CFAP299: variants seen among roughly 807,000 people sequenced by gnomAD.
CFAP299 encodes the protein cilia and flagella associated protein 299, also known as cilia- and flagella-associated protein 299.
In CFAP299, 21 loss-of-function variants were observed where a neutral mutation model predicts 27.0. That is an observed-to-expected ratio of 0.78 (90% CI 0.55 to 1.12). CFAP299 has a LOEUF of 1.12. Among genes scored for constraint, CFAP299 ranks in the 50% most tolerant of loss-of-function variants. The probability of loss-of-function intolerance (pLI) is 0.00; values close to 1 mark genes in which losing one functional copy is unlikely to be tolerated. For missense variants in CFAP299, 310 were observed against 276.6 expected (o/e 1.12, Z -0.86); for synonymous variants, 104 against 98.1 (o/e 1.06, Z -0.36).
intron 2 of CFAP299, among the ~76,000 whole-genome samples, chr4:80,496,669 C>T (rs1274620972): frequency 6.6e-6 from 1 of 152,120 alleles, no homozygotes; most frequent in African/African-American, 2.4e-5. Flanking sequence ...TGGTAATGCC[C>T]CATTTCTTGG....
intron 4 of CFAP299, among the ~76,000 whole-genome samples, chr4:80,917,896 T>C (rs1735841898): frequency 6.6e-6 from 1 of 152,196 alleles, no homozygotes; most frequent in African/African-American, 2.4e-5. Context: ...AATTATTGTA[T>C]TCTAGGGGAT....
At chr4:80,626,551 A>G (rs1480880779) in intron 3 of CFAP299, among the ~76,000 whole-genome samples, 1 of 151,846 alleles carries the variant, frequency 6.6e-6, no homozygotes, top group Non-Finnish European at 1.5e-5. Flanking sequence ...GAAATAAAAT[A>G]ATAGAGCCTG....
intron 3 of CFAP299, among the ~76,000 whole-genome samples, chr4:80,788,342 C>T (rs576172973): frequency 1.3e-5 from 2 of 151,988 alleles, no homozygotes; most frequent in South Asian, 2.1e-4. Flanking sequence ...CAGAAGTAGA[C>T]CTATAGCCTC....
At chr4:80,566,316 T>C (rs181201541) in intron 2 of CFAP299, among the ~76,000 whole-genome samples, 1 of 152,044 alleles carries the variant, frequency 6.6e-6, no homozygotes, top group Non-Finnish European at 1.5e-5. Context: ...AACTCCCCTA[T>C]CTAAACCCCT....
chr4:80,800,770 T>TAC (rs1268213075), intron 3 of CFAP299, among the ~76,000 whole-genome samples: 10 of 128,692 alleles, frequency 7.8e-5, no homozygotes, highest in South Asian at 2.2e-4. Context: ...TGTGTGTGTA[T>TAC]ATATATATAT....
chr4:80,856,888 C>G, intron 3 of CFAP299, among the ~76,000 whole-genome samples: 1 of 151,868 alleles, frequency 6.6e-6, no homozygotes, highest in Non-Finnish European at 1.5e-5. Flanking sequence ...GTGATGAGGG[C>G]TCTTTTTTGG....
chr4:80,631,818 A>T (rs1739218082), intron 3 of CFAP299, among the ~76,000 whole-genome samples: 1 of 133,926 alleles, frequency 7.5e-6, no homozygotes, highest in African/African-American at 2.5e-5. Flanking sequence ...TTCATGTTGT[A>T]GTTCATTTTA....
At chr4:80,861,114 G>A (rs983554824) in intron 3 of CFAP299, among the ~76,000 whole-genome samples, 1 of 152,208 alleles carries the variant, frequency 6.6e-6, no homozygotes, top group African/African-American at 2.4e-5. Context: ...CTGGACAATG[G>A]CGGGCGCCCC....
chr4:80,960,370 C>T (rs1360486084), intron 5 of CFAP299, among the ~76,000 whole-genome samples: 1 of 151,724 alleles, frequency 6.6e-6, no homozygotes, highest in African/African-American at 2.4e-5. Flanking sequence ...TCTGTTAAAA[C>T]GTCAATATGT....
At chr4:80,386,556 G>C in intron 2 of CFAP299, 6 of 1,595,338 alleles carry the variant, frequency 3.8e-6, no homozygotes, top group Non-Finnish European at 5.1e-6. Flanking sequence ...TTTTCCTTCT[G>C]GGGGCCGAGA....
intron 3 of CFAP299, among the ~76,000 whole-genome samples, chr4:80,866,035 T>C (rs146797634): frequency 0.014 from 1,768 of 128,864 alleles, 34 homozygotes; most frequent in South Asian, 0.076. Flanking sequence ...AACCTGCACC[T>C]TGTGCACCGT....
intron 3 of CFAP299, among the ~76,000 whole-genome samples, chr4:80,749,122 A>T (rs1206197975): frequency 1.3e-5 from 2 of 152,190 alleles, no homozygotes; most frequent in East Asian, 3.8e-4. Flanking sequence ...AGAGAAAGAG[A>T]ATATTCACCT....
At chr4:80,514,096 G>T (rs988664608) in intron 2 of CFAP299, among the ~76,000 whole-genome samples, 1 of 151,830 alleles carries the variant, frequency 6.6e-6, no homozygotes, top group Non-Finnish European at 1.5e-5. Context: ...TTTTTTGTTT[G>T]TTTGTTTGTT....
chr4:80,646,470 C>A (rs1740015380), intron 3 of CFAP299, among the ~76,000 whole-genome samples: 1 of 152,152 alleles, frequency 6.6e-6, no homozygotes, highest in Non-Finnish European at 1.5e-5. Context: ...AAGAGTACTA[C>A]AATTAATTCT....
At chr4:80,472,181 A>G (rs1215341879) in intron 2 of CFAP299, among the ~76,000 whole-genome samples, 1 of 152,150 alleles carries the variant, frequency 6.6e-6, no homozygotes, top group Non-Finnish European at 1.5e-5. Context: ...CAGACTGAAG[A>G]TATTTCCCCC....
At chr4:80,502,619 T>G (rs1461455321) in intron 2 of CFAP299, among the ~76,000 whole-genome samples, 1 of 152,118 alleles carries the variant, frequency 6.6e-6, no homozygotes, top group Non-Finnish European at 1.5e-5. Context: ...TCACAGCTCC[T>G]GCCTACCATG....
intron 3 of CFAP299, among the ~76,000 whole-genome samples, chr4:80,699,855 G>A (rs1049960121): frequency 1.3e-5 from 2 of 152,118 alleles, no homozygotes; most frequent in South Asian, 4.1e-4. Context: ...GGCAATGGCT[G>A]TATCATTCAG....
At chr4:80,940,801 T>G (rs1276055091) in intron 4 of CFAP299, among the ~76,000 whole-genome samples, 1 of 152,194 alleles carries the variant, frequency 6.6e-6, no homozygotes, top group Non-Finnish European at 1.5e-5. Context: ...TATATACAAA[T>G]TACTCAGTTA....
At chr4:80,570,039 T>C (rs1032317824) in intron 2 of CFAP299, among the ~76,000 whole-genome samples, 1 of 151,974 alleles carries the variant, frequency 6.6e-6, no homozygotes, top group Non-Finnish European at 1.5e-5. Flanking sequence ...ACATTTATCA[T>C]AAATGCTCAG....
Sources: gnomAD v4.1 joint callset for allele counts (sites outside exome capture counted in the v4.1 genomes callset) on GRCh38, gnomAD v4.1.1 for gene constraint, MANE v1.5 for transcripts, NCBI Gene and HGNC (gene_info 2026-07-23, HGNC 2026-07-21) for gene names.